The following ERC1 variants were observed in gnomAD, a reference collection of about 807,000 sequenced individuals.
The protein encoded by ERC1 is ELKS/RAB6-interacting/CAST family member 1.
A neutral mutation model predicts 132.0 loss-of-function variants in ERC1; 56 were observed. The ratio of observed to expected loss-of-function variants is 0.42; its 90% CI spans 0.34 to 0.53. The LOEUF is 0.53. Ranked by LOEUF, ERC1 falls within the 20% of genes least tolerant of loss-of-function variation. The pLI is 0.03. For missense variants in ERC1, 1,202 were observed against 1,349.9 expected (o/e 0.89, Z 1.72); for synonymous variants, 478 against 476.1 (o/e 1.00, Z -0.05).
At chr12:1,393,033 A>G (rs555059678) in intron 16 of ERC1, among the ~76,000 whole-genome samples, 140 of 152,336 alleles carry the variant, frequency 9.2e-4, no homozygotes, top group African/African-American at 3.3e-3. Flanking sequence ...TTGGCCTTAT[A>G]TCATTTGCTT....
In ERC1 at chr12:1,402,268, C is replaced by T. The variant is rs542442534; in HGVS notation, c.2926-5881C>T. 2.0e-4 allele frequency among the ~76,000 whole-genome samples: 31 copies of T among 152,290 alleles called. 1 individual carries two copies. The South Asian group carries it at 2.5e-3, about 12-fold the overall frequency. ...TGAAAAGGCTGGGCACGGTGGCTCA[C>T]GCCGTAATCCCAGCACTTTGGGAGG... is the stretch of plus-strand genomic sequence containing the variant. On this transcript the variant is annotated intron_variant, in intron 16 of 18. Transcript: ENST00000360905.
rs559369187 is a variant in ERC1 at position 1,187,690 on chromosome 12, T to G, written c.2158-2169T>G. Among the ~76,000 whole-genome samples the G allele has an allele frequency of 1.2e-4, 19 of 152,362 alleles. No homozygotes were observed. In the East Asian group the frequency reaches 3.7e-3, roughly 29 times the overall value. On this transcript the variant is annotated intron_variant, in intron 11 of 18. Transcript: ENST00000360905. ...TACCGTTTAGGCCTATGGGCTGTTT[T>G]AAATCAAATGGAAACTAGCACACTG... is the stretch of plus-strand genomic sequence containing the variant.
chr12:1,260,138 A>T (rs1555333776), intron 13 of ERC1, among the ~76,000 whole-genome samples: 1 of 152,132 alleles, frequency 6.6e-6, no homozygotes, highest in Non-Finnish European at 1.5e-5. Context: ...TCGTTGAGTG[A>T]GATACTTTTT....
At chr12:1,447,349 C>T (rs2093328857) in intron 18 of ERC1, among the ~76,000 whole-genome samples, 1 of 152,004 alleles carries the variant, frequency 6.6e-6, no homozygotes. Flanking sequence ...GAGACCTCGT[C>T]TTTAAAAATA....
chr12:1,441,234 T>C (rs893945458), intron 17 of ERC1, among the ~76,000 whole-genome samples: 2 of 151,590 alleles, frequency 1.3e-5, no homozygotes, highest in African/African-American at 4.8e-5. Context: ...GATTTTTGTA[T>C]TTTTTTAGTA....
At position 1,494,926 on chromosome 12, in the gene ERC1, G is replaced by A. The variant is rs575481462; in HGVS notation, c.*4696G>A. ...CTGGCATAGGTGGCCCTGGGCTGGC[G>A]GCTTAGGAAGCATGGAGCACACTTA... is the stretch of plus-strand genomic sequence containing the variant. On this transcript the variant is annotated 3_prime_UTR_variant, in exon 19 of 19. Transcript: ENST00000360905. 5 of 230,924 alleles carry A rather than the reference G, an allele frequency of 2.2e-5. No homozygotes were observed. Among genetic ancestry groups the A allele is most frequent in the Admixed American group, 5.6e-5 (1 of 17,708 alleles). The allele number at this position is 230,924 out of a possible 1,614,324, so 14.3% of individuals were successfully genotyped here. A position where few individuals can be genotyped will look rare whatever the true frequency, so the allele number is the denominator to read the frequency against.
In ERC1 at chr12:1,340,514, C is replaced by T. The variant is rs113858990; in HGVS notation, c.2781-31319C>T. Among the ~76,000 whole-genome samples, 1,082 of 152,218 alleles carry T rather than the reference C, an allele frequency of 7.1e-3. 8 individuals carry two copies. Among genetic ancestry groups the T allele is most frequent in the African/African-American group, 0.023 (939 of 41,538 alleles). ...ATCTTCTGCTGGAATTCCAGAGGCC[C>T]GTAGCAAGAACAGATTACTCTTCGT... is the stretch of plus-strand genomic sequence containing the variant. On this transcript the variant is annotated intron_variant, in intron 15 of 18. Transcript: ENST00000360905.
At chr12:1,080,888 T>C (rs1458920134) in intron 2 of ERC1, among the ~76,000 whole-genome samples, 1 of 151,516 alleles carries the variant, frequency 6.6e-6, no homozygotes, top group African/African-American at 2.4e-5. Flanking sequence ...TATGTCTTTA[T>C]CAGCAGCGTG....
intron 1 of ERC1, among the ~76,000 whole-genome samples, chr12:1,004,848 G>A (rs997842804): frequency 3.0e-4 from 23 of 76,556 alleles, no homozygotes; most frequent in Non-Finnish European, 5.6e-4. Flanking sequence ...GTGTGTGTGT[G>A]TATAAATTTT....
intron 8 of ERC1, among the ~76,000 whole-genome samples, chr12:1,172,729 A>G (rs1014722471): frequency 2.6e-5 from 4 of 151,844 alleles, no homozygotes; most frequent in Non-Finnish European, 5.9e-5. Context: ...ATGGGATTAT[A>G]AAATGTATCC....
intron 13 of ERC1, among the ~76,000 whole-genome samples, chr12:1,252,210 A>C (rs2076513720): frequency 6.6e-6 from 1 of 152,154 alleles, no homozygotes; most frequent in Non-Finnish European, 1.5e-5. Context: ...TTGCCTTATT[A>C]TGCCACTGAA....
intron 14 of ERC1, among the ~76,000 whole-genome samples, chr12:1,278,495 G>A (rs537141669): frequency 1.3e-5 from 2 of 152,242 alleles, no homozygotes; most frequent in South Asian, 2.1e-4. Context: ...AAAAAATCTG[G>A]AAATAGTAGG....
At chr12:1,360,931 A>G (rs551789255) in intron 15 of ERC1, among the ~76,000 whole-genome samples, 2 of 151,828 alleles carry the variant, frequency 1.3e-5, no homozygotes, top group Admixed American at 6.6e-5. Flanking sequence ...AAATAAATAG[A>G]ATAGAATAAG....
At chr12:1,171,213 A>G (rs1256668127) in intron 8 of ERC1, among the ~76,000 whole-genome samples, 4 of 152,186 alleles carry the variant, frequency 2.6e-5, no homozygotes, top group Non-Finnish European at 1.5e-5. Flanking sequence ...GAGAATACTG[A>G]TATGAAAACT....
At chr12:1,405,789 G>A (rs960034974) in intron 16 of ERC1, among the ~76,000 whole-genome samples, 3 of 152,128 alleles carry the variant, frequency 2.0e-5, no homozygotes, top group South Asian at 2.1e-4. Flanking sequence ...CGTGGCTCAC[G>A]CCTGTAATCC....
intron 1 of ERC1, among the ~76,000 whole-genome samples, chr12:1,012,426 G>GATTATAA (rs1355650467): frequency 6.6e-6 from 1 of 150,436 alleles, no homozygotes; most frequent in East Asian, 2.0e-4. Context: ...AGCTCTTCCT[G>GATTATAA]ATTATAAATG....
rs560821075 is a variant in ERC1 at position 1,417,622 on chromosome 12, A to T, written c.3024+9375A>T. Among the ~76,000 whole-genome samples, 27 of 152,088 alleles carry T rather than the reference A, an allele frequency of 1.8e-4. 1 individual carries two copies. In the East Asian group the frequency reaches 5.0e-3, roughly 28 times the overall value. ...ATGGCAAAATCCTGTCTCTACTAAA[A>T]ATATAAAAATTAGCTGGGTGTGGTG... On this transcript the variant is annotated intron_variant, in intron 17 of 18. Transcript: ENST00000360905.
rs992540247 is a variant in ERC1, at chr12:1,301,524, A to T, written c.2780+11512A>T. ...GATCATGTCTTTTATAGGAACATGGATGGAGCTAGAGGTCATTATCCTTAG... is the reference window on the plus strand; with the variant it reads ...GATCATGTCTTTTATAGGAACATGGTTGGAGCTAGAGGTCATTATCCTTAG... On this transcript the variant is annotated intron_variant, in intron 15 of 18. Coordinates refer to ENST00000360905, the MANE Select transcript of ERC1 (RefSeq NM_178040.4). Among the ~76,000 whole-genome samples, 10 of 152,320 alleles carry T rather than the reference A, an allele frequency of 6.6e-5. No individual in the cohort carries two copies. The East Asian group carries it at 1.7e-3, about 26-fold the overall frequency.
chr12:1,165,557 C>T lies in ERC1; in HGVS notation c.1738-14983C>T, dbSNP rs780815870. Among the ~76,000 whole-genome samples, 12 of 152,122 alleles carry T rather than the reference C, an allele frequency of 7.9e-5. No homozygotes were observed. The South Asian group carries it at 8.3e-4, about 11-fold the overall frequency. The stretch of plus-strand genomic sequence containing the variant: ...TCCTGACCTCATGATCCACCCGCCT[C>T]GGCCTCCCAAAGTGCTGGGATTACC... On this transcript the variant is annotated intron_variant, in intron 8 of 18. Coordinates refer to ENST00000360905, the MANE Select transcript of ERC1 (RefSeq NM_178040.4).
Sources: allele counts gnomAD v4.1 joint callset (sites outside exome capture counted in the v4.1 genomes callset), GRCh38; gene constraint gnomAD v4.1.1; transcripts MANE v1.5; gene names NCBI Gene and HGNC (gene_info 2026-07-23, HGNC 2026-07-21).